Variants in ENPP6 observed in about 807,000 individuals in gnomAD.
ENPP6 encodes glycerophosphocholine cholinephosphodiesterase ENPP6.
Under a neutral mutation model 42.0 loss-of-function variants are expected in ENPP6, and 32 were observed. That is an observed-to-expected ratio of 0.76 (90% CI 0.58 to 1.02). The LOEUF is 1.02. Ranked by LOEUF, ENPP6 falls within the 50% of genes least tolerant of loss-of-function variation. The pLI, the probability that ENPP6 is intolerant of heterozygous loss-of-function variation, is 0.00. For missense variants in ENPP6, 552 were observed against 566.8 expected (o/e 0.97, Z 0.27); for synonymous variants, 213 against 216.0 (o/e 0.99, Z 0.12).
intron 6 of ENPP6, among the ~76,000 whole-genome samples, chr4:184,109,592 T>A (rs1439749262): frequency 2.0e-5 from 3 of 152,216 alleles, no homozygotes; most frequent in African/African-American, 4.8e-5. Flanking sequence ...TCAGAGCTAA[T>A]CTTATTTTTT....
intron 1 of ENPP6, among the ~76,000 whole-genome samples, chr4:184,178,682 C>G (rs996087013): frequency 6.6e-6 from 1 of 152,180 alleles, no homozygotes; most frequent in African/African-American, 2.4e-5. Context: ...GACCTCTCAG[C>G]AGAAATCCTA....
intron 2 of ENPP6, among the ~76,000 whole-genome samples, chr4:184,142,929 G>A (rs1046430327): frequency 2.0e-5 from 3 of 152,214 alleles, no homozygotes; most frequent in Non-Finnish European, 4.4e-5. Context: ...GAATGACCAC[G>A]ACTGGAATTA....
intron 3 of ENPP6, among the ~76,000 whole-genome samples, chr4:184,119,178 T>C (rs550702691): frequency 6.6e-6 from 1 of 152,196 alleles, no homozygotes; most frequent in Admixed American, 6.5e-5. Context: ...TGTAGGAAAC[T>C]GATAAGATGA....
At position 184,091,351 on chromosome 4, in the gene ENPP6, G is replaced by A; in HGVS notation, c.1149C>T (p.Ile383=). 2 of 1,611,620 alleles carry A rather than the reference G, an allele frequency of 1.2e-6. No individual in the cohort carries two copies. The highest frequency in any genetic ancestry group is 1.7e-6 in the Non-Finnish European group (2 of 1,179,278). Residue 383 remains isoleucine, a synonymous_variant, in exon 8 of 8, where the codon ATC becomes ATT. Coordinates refer to ENST00000296741, the MANE Select transcript of ENPP6 (RefSeq NM_153343.4). The part of the protein sequence containing the change: ...DFKSNFRAAP[I]RSVDVYNVMC... ...TGACATTGTAGACGTCCACCGACCT[G>A]ATAGGAGCAGCTCTGAAGTTGGATT...
At chr4:184,206,346 C>T (rs1054514664) in intron 1 of ENPP6, among the ~76,000 whole-genome samples, 1 of 120,878 alleles carries the variant, frequency 8.3e-6, no homozygotes, top group Non-Finnish European at 1.7e-5. Flanking sequence ...CAAGCTCCGC[C>T]TCCCGGGTTC....
intron 2 of ENPP6, among the ~76,000 whole-genome samples, chr4:184,136,466 C>T (rs7680616): frequency 0.024 from 3,588 of 152,234 alleles, 158 homozygotes; most frequent in African/African-American, 0.081. Context: ...GTGCTTCCAT[C>T]TGTGATCATT....
At chr4:184,113,117 C>T (rs1736231271) in intron 5 of ENPP6, among the ~76,000 whole-genome samples, 1 of 152,120 alleles carries the variant, frequency 6.6e-6, no homozygotes, top group African/African-American at 2.4e-5. Flanking sequence ...ACTGGAACAG[C>T]CCAAATGCCC....
At chr4:184,150,005 A>AGGT (rs1736998864) in intron 2 of ENPP6, among the ~76,000 whole-genome samples, 1 of 152,116 alleles carries the variant, frequency 6.6e-6, no homozygotes. Context: ...TAGAAGGATA[A>AGGT]GGTGGAGGGA....
In ENPP6 at chr4:184,116,842, C is replaced by A; in HGVS notation, c.855+14G>T. The A allele has an allele frequency of 6.2e-7, 1 of 1,612,620 alleles. No individual in the cohort carries two copies. Among genetic ancestry groups the A allele is most frequent in the Non-Finnish European group, 8.5e-7 (1 of 1,179,708 alleles). ...CCACATGGCCCTCCTCCGCCCCCCA[C>A]GGGTCTGTCTTGCCTCAGAGTGTTT... On this transcript the variant is annotated intron_variant, in intron 5 of 7. Coordinates refer to ENST00000296741, the MANE Select transcript of ENPP6 (RefSeq NM_153343.4).
chr4:184,154,427 A>C (rs1240401202), intron 1 of ENPP6, among the ~76,000 whole-genome samples: 1 of 152,214 alleles, frequency 6.6e-6, no homozygotes, highest in Non-Finnish European at 1.5e-5. Flanking sequence ...GCAATCTGTT[A>C]CATCTTTAAA....
chr4:184,155,471 C>A lies in ENPP6; in HGVS notation c.242-1738G>T, dbSNP rs149610681. 3.0e-3 allele frequency among the ~76,000 whole-genome samples: 450 copies of A among 149,218 alleles called. 2 individuals are homozygous for A. Among genetic ancestry groups the A allele is most frequent in the African/African-American group, 0.01 (406 of 40,276 alleles). Reference sequence around the variant, plus strand: ...CAAGTGCAGGAGGTTATCTCAACTGCAGCTGGTGTGCAAAGAAGCTGAGCA... The same window carrying A: ...CAAGTGCAGGAGGTTATCTCAACTGAAGCTGGTGTGCAAAGAAGCTGAGCA... On this transcript the variant is annotated intron_variant, in intron 1 of 7. Coordinates refer to ENST00000296741, the MANE Select transcript of ENPP6 (RefSeq NM_153343.4).
intron 6 of ENPP6, among the ~76,000 whole-genome samples, chr4:184,098,517 A>G (rs1448901632): frequency 6.6e-6 from 1 of 152,160 alleles, no homozygotes; most frequent in Non-Finnish European, 1.5e-5. Context: ...GAGCAACTCC[A>G]AGCCAGCCTC....
intron 1 of ENPP6, among the ~76,000 whole-genome samples, chr4:184,194,096 C>T (rs1310053378): frequency 2.0e-5 from 3 of 152,152 alleles, no homozygotes; most frequent in Non-Finnish European, 4.4e-5. Flanking sequence ...GCATGGTCCC[C>T]GAGGTTCCTC....
chr4:184,141,438 C>T (rs769754390), intron 2 of ENPP6, among the ~76,000 whole-genome samples: 8 of 152,204 alleles, frequency 5.3e-5, no homozygotes, highest in East Asian at 1.9e-4. Flanking sequence ...GTGGGGAAGG[C>T]GGCAACAAGG....
chr4:184,107,831 C>T (rs890231569), intron 6 of ENPP6, among the ~76,000 whole-genome samples: 44 of 151,436 alleles, frequency 2.9e-4, no homozygotes, highest in African/African-American at 9.9e-4. Flanking sequence ...AGGAGAATGG[C>T]GTGAACCCGG....
intron 2 of ENPP6, among the ~76,000 whole-genome samples, chr4:184,126,471 G>C (rs191378905): frequency 6.7e-4 from 102 of 152,226 alleles, no homozygotes; most frequent in African/African-American, 2.3e-3. Flanking sequence ...AAACATCATG[G>C]CAGCAGCCTA....
chr4:184,112,773 C>A lies in ENPP6; in HGVS notation c.892G>T (p.Val298Phe), dbSNP rs761330652. Residue 298 changes from valine (V) to phenylalanine (F), a missense_variant, in exon 6 of 8, where the codon GTC becomes TTC. Coordinates refer to ENST00000296741, the MANE Select transcript of ENPP6 (RefSeq NM_153343.4). ...NKLSTVEHMT[V>F]YEKEAIPSRF... Reference sequence around the variant, plus strand: ...CTTGGGATGGCTTCTTTCTCGTAGACAGTCATGTGTTCCACTGTGCTCAGT... The same window carrying A: ...CTTGGGATGGCTTCTTTCTCGTAGAAAGTCATGTGTTCCACTGTGCTCAGT... 1.9e-6 allele frequency: 3 copies of A among 1,613,976 alleles called. No homozygotes were observed. Among genetic ancestry groups the A allele is most frequent in the Non-Finnish European group, 2.5e-6 (3 of 1,180,032 alleles).
intron 1 of ENPP6, among the ~76,000 whole-genome samples, chr4:184,202,511 A>G (rs529141822): frequency 5.4e-4 from 82 of 152,160 alleles, no homozygotes; most frequent in Admixed American, 1.0e-3. Context: ...GACACACTCT[A>G]TTCTCTGCAA....
chr4:184,162,576 A>AAGGAAAGAAGGAAGG (rs1553998051), intron 1 of ENPP6, among the ~76,000 whole-genome samples: 9 of 145,434 alleles, frequency 6.2e-5, no homozygotes, highest in African/African-American at 2.3e-4. Context: ...AGGAAGGAAG[A>AAGGAAAGAAGGAAGG]AAGGAAGGAA....
Sources: allele counts gnomAD v4.1 joint callset (sites outside exome capture counted in the v4.1 genomes callset), GRCh38; gene constraint gnomAD v4.1.1; transcripts MANE v1.5; gene names NCBI Gene and HGNC (gene_info 2026-07-23, HGNC 2026-07-21).